Variants in KCNH4 observed in about 807,000 individuals in gnomAD.
KCNH4 encodes the protein potassium voltage-gated channel subfamily H member 4.
KCNH4 carries 33 observed loss-of-function variants against 90.7 expected under a neutral mutation model. That is an observed-to-expected ratio of 0.36 (90% CI 0.28 to 0.49). KCNH4 has a LOEUF of 0.49. Among genes scored for constraint, KCNH4 ranks in the 20% least tolerant of loss-of-function variants. The pLI is 0.98. For missense variants in KCNH4, 1,044 were observed against 1,387.1 expected (o/e 0.75, Z 3.93); for synonymous variants, 551 against 581.7 (o/e 0.95, Z 0.76).
intron 1 of KCNH4, among the ~76,000 whole-genome samples, chr17:42,179,759 C>T (rs1483913082): frequency 6.6e-6 from 1 of 152,234 alleles, no homozygotes; most frequent in Admixed American, 6.5e-5. Flanking sequence ...ATTCTTGTAG[C>T]TGCTTTCAGG....
At chr17:42,162,425 G>C in intron 14 of KCNH4, 104 bp from the exon 15 acceptor site, 1 of 939,804 alleles carries the variant, frequency 1.1e-6, no homozygotes. Flanking sequence ...AGCAGGGGGA[G>C]ACAAAGCTCT....
Position 42,180,286 on chromosome 17 carries a change from G to A in KCNH4, c.76+584C>T, listed in dbSNP as rs980088115. Among the ~76,000 whole-genome samples, 1 of 152,072 alleles carries A rather than the reference G, an allele frequency of 6.6e-6. No homozygotes were observed. The highest frequency in any genetic ancestry group is 2.4e-5 in the African/African-American group (1 of 41,410). Reference sequence around the variant, plus strand: ...GAAGAGGCGGGGGAGGAGTGATGTGGCTGTCCAAGGTGCTGAACCTGAAAC... The same window carrying A: ...GAAGAGGCGGGGGAGGAGTGATGTGACTGTCCAAGGTGCTGAACCTGAAAC... On this transcript the variant is annotated intron_variant, in intron 1 of 16. Transcript: ENST00000264661. The surrounding 1 kb of genome is among the most constrained non-coding windows in gnomAD (Gnocchi z 4.7).
chr17:42,173,689 G>A (rs983123724), intron 6 of KCNH4, among the ~76,000 whole-genome samples: 6 of 130,822 alleles, frequency 4.6e-5, no homozygotes, highest in Non-Finnish European at 7.9e-5. Flanking sequence ...TTAGCGATCT[G>A]GTTCTTTTTT....
At chr17:42,166,864 T>G (rs1309582916) in intron 9 of KCNH4, among the ~76,000 whole-genome samples, 1 of 151,976 alleles carries the variant, frequency 6.6e-6, no homozygotes, top group Non-Finnish European at 1.5e-5. Flanking sequence ...AGACCAGGAG[T>G]CAGCTCGGCT....
chr17:42,176,431 A>G (rs2144140443), intron 4 of KCNH4, 134 bp from the exon 5 acceptor site: 1 of 716,616 alleles, frequency 1.4e-6, no homozygotes, highest in Non-Finnish European at 2.2e-6. Flanking sequence ...ATGAAAGGAG[A>G]TAGAAGGCCA....
At chr17:42,176,466 C>G (rs1397517641) in intron 4 of KCNH4, among the ~76,000 whole-genome samples, 169 bp from the exon 5 acceptor site, 1 of 148,546 alleles carries the variant, frequency 6.7e-6, no homozygotes, top group Admixed American at 6.7e-5. Context: ...AGGCTGACAC[C>G]TGACATTTTC....
At position 42,164,141 on chromosome 17, in the gene KCNH4, G is replaced by A. The variant is rs201984974; in HGVS notation, c.2113C>T (p.Arg705Cys). Residue 705 changes from arginine to cysteine, a missense_variant, in exon 12 of 17, where the codon CGC (arginine) becomes TGC (cysteine). Physicochemically the swap from Arg to Cys is radical, Grantham distance 180. This residue lies in a region of KCNH4 where 441 missense variants were observed against 512.3 expected (regional missense o/e 0.86). Transcript: ENST00000264661. ...SGLSRFSRSP[R>C]LSQPRSESLG... is the part of the protein sequence containing the mutation. ...GAAGTGGGTGTTACCTGGGAGAGGC[G>A]AGGGGATCGGGAAAAGCGGCTGAGG... 7.1e-6 allele frequency: 11 copies of A among 1,552,042 alleles called. No homozygotes were observed. Among genetic ancestry groups the A allele is most frequent in the Admixed American group, 5.9e-5 (3 of 51,124 alleles).
intron 2 of KCNH4, 23 bp from the exon 3 acceptor site, chr17:42,178,500 G>C: frequency 6.2e-7 from 1 of 1,613,576 alleles, no homozygotes; most frequent in East Asian, 2.2e-5. Flanking sequence ...AGAGAGGGAA[G>C]GGAGGAGCAT....
rs762274492 is a variant in KCNH4 at position 42,171,946 on chromosome 17, C to T, written c.1037G>A (p.Arg346Gln). 10 of 1,606,754 alleles carry T rather than the reference C, an allele frequency of 6.2e-6. No homozygotes were observed. Among genetic ancestry groups the T allele is most frequent in the South Asian group, 2.2e-5 (2 of 90,610 alleles). ...GTACCGCTCCAGCTTCTGCAGCAGC[C>T]GCAGCAGCCGCAACAGCCGCACTGT... ...LKTVRLLRLLRLLQKLERYSQ... is the reference protein window; with the variant it reads ...LKTVRLLRLLQLLQKLERYSQ... Residue 346 changes from arginine (R) to glutamine (Q), a missense_variant, in exon 7 of 17, where the codon CGG (arginine) becomes CAG (glutamine). Transcript: ENST00000264661.
chr17:42,166,177 G>T (rs2079785969), intron 10 of KCNH4, 120 bp downstream of exon 10: 6 of 1,267,448 alleles, frequency 4.7e-6, no homozygotes, highest in Admixed American at 2.4e-5. Context: ...TCCTCAGCAG[G>T]AACTGTAGGT....
chr17:42,173,286 C>G (rs1598275356), intron 6 of KCNH4, among the ~76,000 whole-genome samples: 1 of 152,120 alleles, frequency 6.6e-6, no homozygotes, highest in African/African-American at 2.4e-5. Flanking sequence ...TACACTGCTC[C>G]TGGACCACCT....
chr17:42,165,003 G>A (rs757422782), intron 11 of KCNH4, among the ~76,000 whole-genome samples: 2 of 152,004 alleles, frequency 1.3e-5, no homozygotes, highest in African/African-American at 4.8e-5. Flanking sequence ...CTACTCGGAA[G>A]GCTGAGGCAG....
In KCNH4 at chr17:42,166,352, A is replaced by G; in HGVS notation, c.1785T>C (p.Tyr595=). Residue 595 remains tyrosine, a synonymous_variant, in exon 10 of 17, where the codon TAT becomes TAC. Coordinates refer to ENST00000264661, the MANE Select transcript of KCNH4 (RefSeq NM_012285.3). The part of the protein sequence containing the change: ...RRGDALQAHY[Y]VCSGSLEVLR... ...GCACCTCAAGCGAGCCGGAGCAGAC[A>G]TAGTAATGTGCCTGCAGGGCATCCC... The G allele has an allele frequency of 1.9e-6, 3 of 1,613,354 alleles. No homozygotes were observed. The highest frequency in any genetic ancestry group is 2.5e-6 in the Non-Finnish European group (3 of 1,179,634).
In KCNH4 at chr17:42,163,703, A is replaced by T. The variant is rs1013236814; in HGVS notation, c.2380T>A (p.Ser794Thr). 1 of 1,512,448 alleles carries T rather than the reference A, an allele frequency of 6.6e-7. No homozygotes were observed. The highest frequency in any genetic ancestry group is 8.8e-7 in the Non-Finnish European group (1 of 1,132,470). The allele number at this position is 1,512,448 out of a possible 1,614,324, so 93.7% of individuals were successfully genotyped here. A position where few individuals can be genotyped will look rare whatever the true frequency, so the allele number is the denominator to read the frequency against. The change falls in exon 13 of 17, where the codon TCC becomes ACC. Residue 794 changes from serine (S) to threonine (T), a missense_variant. By Grantham distance (58) the Ser-to-Thr change is moderately conservative (BLOSUM62 1). Transcript: ENST00000264661. The surrounding 1 kb of genome is among the most constrained non-coding windows in gnomAD (Gnocchi z 5.4). Reference protein sequence around the residue: ...PALAGQGHSASPHGPPRCSAA... With the variant: ...PALAGQGHSATPHGPPRCSAA... Reference sequence around the variant, plus strand: ...GAGCACCTGGGGGGGCCGTGAGGGGAGGCACTGTGGCCCTGGCCAGCCAGG... The same window carrying T: ...GAGCACCTGGGGGGGCCGTGAGGGGTGGCACTGTGGCCCTGGCCAGCCAGG...
At chr17:42,176,013 C>T (rs748619673) in intron 5 of KCNH4, 41 bp downstream of exon 5, 34 of 1,561,190 alleles carry the variant, frequency 2.2e-5, no homozygotes, top group South Asian at 1.6e-4. Context: ...AGTGGATCCC[C>T]CCAGCCGACC....
intron 6 of KCNH4, 47 bp from the exon 7 acceptor site, chr17:42,172,042 G>T: frequency 6.7e-7 from 1 of 1,494,276 alleles, no homozygotes; most frequent in South Asian, 1.2e-5. Context: ...CACCTCCTCC[G>T]AGCCCTCAGA....
At position 42,167,658 on chromosome 17, in the gene KCNH4, C is replaced by T. The variant is rs1021420895; in HGVS notation, c.1591-1112G>A. On this transcript the variant is annotated intron_variant, in intron 9 of 16. Coordinates refer to ENST00000264661, the MANE Select transcript of KCNH4 (RefSeq NM_012285.3). ...TCTTGGTCTGACCCGGGACTCTCACCTTCATCCCAAAGCCCATCTTCCCCC... is the reference window on the plus strand; with the variant it reads ...TCTTGGTCTGACCCGGGACTCTCACTTTCATCCCAAAGCCCATCTTCCCCC... Among the ~76,000 whole-genome samples, 10 of 152,216 alleles carry T rather than the reference C, an allele frequency of 6.6e-5. No homozygotes were observed. In the East Asian group the frequency reaches 1.9e-3, roughly 29 times the overall value.
chr17:42,178,418 C>T lies in KCNH4; in HGVS notation c.370G>A (p.Val124Met), dbSNP rs367619298. 6 of 1,614,196 alleles carry T rather than the reference C, an allele frequency of 3.7e-6. No homozygotes were observed. The highest frequency in any genetic ancestry group is 5.1e-6 in the Non-Finnish European group (6 of 1,180,026). ...MPIKNEMGEV[V>M]LFLFSFKDIT... ...TCCTTGAAGGAAAAGAGGAACAGCA[C>T]GACCTCCCCCATCTCATTCTTGATG... Residue 124 changes from valine (V) to methionine (M), a missense_variant, in exon 3 of 17, where the codon GTG becomes ATG. This residue lies in a region of KCNH4 where 283 missense variants were observed against 378.6 expected (regional missense o/e 0.75). Coordinates refer to ENST00000264661, the MANE Select transcript of KCNH4 (RefSeq NM_012285.3).
rs2144146214 is a variant in KCNH4, at chr17:42,180,228, T to C, written c.76+642A>G. The stretch of plus-strand genomic sequence containing the variant: ...GGGGGAGGTGAGGGCGGGGAATCTC[T>C]GGGTTCCAGAGTGGGAAGAGGGAAT... On this transcript the variant is annotated intron_variant, in intron 1 of 16. Coordinates refer to ENST00000264661, the MANE Select transcript of KCNH4 (RefSeq NM_012285.3). The surrounding 1 kb of genome is among the most constrained non-coding windows in gnomAD (Gnocchi z 4.7). 6.6e-6 allele frequency among the ~76,000 whole-genome samples: 1 copy of C among 152,160 alleles called. No individual in the cohort carries two copies. Among genetic ancestry groups the C allele is most frequent in the South Asian group, 2.1e-4 (1 of 4,816 alleles).
Sources: gnomAD v4.1 joint callset for allele counts (sites outside exome capture counted in the v4.1 genomes callset) on GRCh38, gnomAD v4.1.1 for gene constraint, gnomAD v4.1.1 regional missense constraint, Gnocchi (gnomAD v3.1) non-coding constraint, MANE v1.5 for transcripts, NCBI Gene and HGNC (gene_info 2026-07-23, HGNC 2026-07-21) for gene names.